The following NKAIN2 variants were observed in gnomAD, a reference collection of about 807,000 sequenced individuals.
The protein encoded by NKAIN2 is sodium/potassium transporting ATPase interacting 2.
In NKAIN2, 14 loss-of-function variants were observed where a neutral mutation model predicts 32.6. That is an observed-to-expected ratio of 0.43 (90% CI 0.28 to 0.67). The LOEUF (loss-of-function observed/expected upper bound fraction) is 0.67, where lower values mean the gene tolerates loss of function less well. Ranked by LOEUF, NKAIN2 falls within the 30% of genes least tolerant of loss-of-function variation. NKAIN2 has a pLI of 0.17. For missense variants in NKAIN2, 198 were observed against 258.3 expected (o/e 0.77, Z 1.60); for synonymous variants, 80 against 87.2 (o/e 0.92, Z 0.46).
chr6:124,239,899 C>T (rs1342253748), intron 1 of NKAIN2, among the ~76,000 whole-genome samples: 1 of 151,928 alleles, frequency 6.6e-6, no homozygotes, highest in Non-Finnish European at 1.5e-5. Context: ...AAGATCAGAG[C>T]AGAACTGAAA....
At chr6:124,730,808 T>C (rs944459281) in intron 4 of NKAIN2, among the ~76,000 whole-genome samples, 30 of 151,372 alleles carry the variant, frequency 2.0e-4, no homozygotes, top group Non-Finnish European at 3.4e-4. Flanking sequence ...TGCAACCTAC[T>C]CATCTGACAA....
intron 1 of NKAIN2, among the ~76,000 whole-genome samples, chr6:123,912,748 C>G (rs1775283697): frequency 6.6e-6 from 1 of 152,200 alleles, no homozygotes; most frequent in South Asian, 2.1e-4. Flanking sequence ...CACCATGTTT[C>G]TTGTACAGCC....
At chr6:124,135,151 A>G (rs570925214) in intron 1 of NKAIN2, among the ~76,000 whole-genome samples, 17 of 152,254 alleles carry the variant, frequency 1.1e-4, no homozygotes, top group Admixed American at 2.0e-4. Context: ...CAAAACCTCA[A>G]AATACACCAA....
intron 3 of NKAIN2, among the ~76,000 whole-genome samples, chr6:124,592,600 T>C (rs1781949908): frequency 6.6e-6 from 1 of 152,218 alleles, no homozygotes; most frequent in East Asian, 1.9e-4. Context: ...ATAGATCTAA[T>C]TCACCTTCTG....
intron 2 of NKAIN2, among the ~76,000 whole-genome samples, chr6:124,335,800 A>T (rs150021644): frequency 0.01 from 1,557 of 152,280 alleles, 28 homozygotes; most frequent in African/African-American, 0.034. Context: ...GAGACATCTA[A>T]TATTACATGT....
At chr6:123,818,980 TTGTC>T (rs1773811907) in intron 1 of NKAIN2, among the ~76,000 whole-genome samples, 2 of 152,076 alleles carry the variant, frequency 1.3e-5, no homozygotes, top group South Asian at 2.1e-4. Context: ...AGGTGTGTGT[TTGTC>T]TGTGTGTGTG....
At chr6:124,311,695 C>A (rs566307741) in intron 2 of NKAIN2, among the ~76,000 whole-genome samples, 1 of 152,220 alleles carries the variant, frequency 6.6e-6, no homozygotes, top group South Asian at 2.1e-4. Flanking sequence ...TTCACATGCT[C>A]AGTAGAGCCC....
chr6:124,521,251 C>T (rs1479937081), intron 3 of NKAIN2, among the ~76,000 whole-genome samples: 1 of 152,144 alleles, frequency 6.6e-6, no homozygotes, highest in African/African-American at 2.4e-5. Context: ...ATCGTTTTAC[C>T]ATTAGTATGA....
intron 1 of NKAIN2, among the ~76,000 whole-genome samples, chr6:124,041,121 T>C (rs930930513): frequency 2.6e-5 from 4 of 152,070 alleles, no homozygotes; most frequent in Non-Finnish European, 5.9e-5. Flanking sequence ...ATACTTATGA[T>C]TGAGCCATAA....
chr6:124,408,195 G>A (rs528364266), intron 3 of NKAIN2, among the ~76,000 whole-genome samples: 6 of 152,132 alleles, frequency 3.9e-5, no homozygotes, highest in African/African-American at 7.2e-5. Context: ...AAGCTCTTTA[G>A]TTTAATTAGA....
chr6:124,240,821 T>A (rs980844727), intron 1 of NKAIN2, among the ~76,000 whole-genome samples: 1 of 152,138 alleles, frequency 6.6e-6, no homozygotes, highest in Non-Finnish European at 1.5e-5. Context: ...GCATTCCATA[T>A]GAAAACCAGC....
chr6:124,492,700 TACA>T (rs1159345160), intron 3 of NKAIN2, among the ~76,000 whole-genome samples: 2 of 152,050 alleles, frequency 1.3e-5, no homozygotes, highest in Non-Finnish European at 2.9e-5. Context: ...AGATTTTCCT[TACA>T]AACTATGATA....
Position 123,937,679 on chromosome 6 carries a change from C to T in NKAIN2, c.54+133425C>T, listed in dbSNP as rs531894981. ...GAGCCATTGACTACATAGCTAGGGA[C>T]GGCCTGCAGTGGTAAGCTCTGCTAA... On this transcript the variant is annotated intron_variant, in intron 1 of 6. Coordinates refer to ENST00000368417, the MANE Select transcript of NKAIN2 (RefSeq NM_001040214.3). Among the ~76,000 whole-genome samples, 8 of 152,152 alleles carry T rather than the reference C, an allele frequency of 5.3e-5. No individual in the cohort carries two copies. The South Asian group carries it at 1.0e-3, about 20-fold the overall frequency.
chr6:124,443,727 G>T (rs1775783721), intron 3 of NKAIN2, among the ~76,000 whole-genome samples: 1 of 152,038 alleles, frequency 6.6e-6, no homozygotes, highest in Admixed American at 6.6e-5. Context: ...CACACATCAG[G>T]AAACGTGTCA....
At chr6:124,413,511 A>G (rs1461749014) in intron 3 of NKAIN2, among the ~76,000 whole-genome samples, 1 of 152,024 alleles carries the variant, frequency 6.6e-6, no homozygotes, top group African/African-American at 2.4e-5. Flanking sequence ...GTTCTTTTTC[A>G]AAGATGTTTT....
At chr6:124,429,499 A>C (rs1775121159) in intron 3 of NKAIN2, among the ~76,000 whole-genome samples, 1 of 152,058 alleles carries the variant, frequency 6.6e-6, no homozygotes, top group Non-Finnish European at 1.5e-5. Flanking sequence ...GTGGCTAGCC[A>C]CTCAGTTCTA....
intron 1 of NKAIN2, among the ~76,000 whole-genome samples, chr6:123,967,752 A>G (rs983676775): frequency 3.3e-5 from 5 of 152,292 alleles, no homozygotes; most frequent in Non-Finnish European, 5.9e-5. Flanking sequence ...ATTTGAAGAA[A>G]GTATTGGTTC....
intron 3 of NKAIN2, among the ~76,000 whole-genome samples, chr6:124,425,816 G>A (rs1774959326): frequency 6.6e-6 from 1 of 152,018 alleles, no homozygotes; most frequent in South Asian, 2.1e-4. Context: ...AAGTGTTGGA[G>A]GGTATATTGA....
At chr6:123,932,810 A>G (rs1260264157) in intron 1 of NKAIN2, among the ~76,000 whole-genome samples, 5 of 132,544 alleles carry the variant, frequency 3.8e-5, no homozygotes, top group Admixed American at 7.6e-5. Context: ...TTTTCCTTTC[A>G]TTTTGCATCA....
Sources: allele counts gnomAD v4.1 joint callset (sites outside exome capture counted in the v4.1 genomes callset), GRCh38; gene constraint gnomAD v4.1.1; transcripts MANE v1.5; gene names NCBI Gene and HGNC (gene_info 2026-07-23, HGNC 2026-07-21).